GLDN: variants seen among roughly 807,000 people sequenced by gnomAD.
GLDN encodes collomin.
In GLDN, 47 loss-of-function variants were observed where a neutral mutation model predicts 56.5. That is an observed-to-expected ratio of 0.83 (90% CI 0.66 to 1.06). The LOEUF is 1.06. Among genes scored for constraint, GLDN ranks in the 50% least tolerant of loss-of-function variants. The pLI is 0.00. For missense variants in GLDN, 782 were observed against 714.3 expected (o/e 1.09, Z -1.08); for synonymous variants, 332 against 278.8 (o/e 1.19, Z -1.90).
At position 51,404,020 on chromosome 15, in the gene GLDN, T is replaced by C. The variant is rs189076601; in HGVS notation, c.1179-257T>C. Among the ~76,000 whole-genome samples the C allele has an allele frequency of 6.3e-5, 9 of 143,236 alleles. No individual in the cohort carries two copies. The East Asian group carries it at 1.7e-3, about 28-fold the overall frequency. 94.0% of individuals were successfully genotyped at this position (143,236 alleles called of 152,430 possible). On this transcript the variant is annotated intron_variant, in intron 9 of 9. Coordinates refer to ENST00000335449, the MANE Select transcript of GLDN (RefSeq NM_181789.4). ...CTCAGATGCAAATTCATTCTGACTT[T>C]GGTGATTATTCTGACACCACACCAC...
At chr15:51,385,459 T>C (rs2037870308) in intron 4 of GLDN, 1 of 152,124 alleles carries the variant, frequency 6.6e-6, no homozygotes, top group African/African-American at 2.4e-5. Context: ...CCATTCTAGA[T>C]GCTGGAGATT....
chr15:51,354,160 C>T (rs1215744743), intron 1 of GLDN, among the ~76,000 whole-genome samples: 3 of 152,178 alleles, frequency 2.0e-5, no homozygotes, highest in African/African-American at 7.2e-5. Context: ...TCATCTGCCA[C>T]CCAGAAAAAG....
At chr15:51,385,398 A>C (rs530590838) in intron 4 of GLDN, 3 of 152,350 alleles carry the variant, frequency 2.0e-5, no homozygotes, top group African/African-American at 7.2e-5. Flanking sequence ...CAGGGAGTGC[A>C]GAAAAGAAAA....
chr15:51,378,699 C>A (rs534212477), intron 2 of GLDN, among the ~76,000 whole-genome samples: 2 of 152,222 alleles, frequency 1.3e-5, no homozygotes, highest in African/African-American at 4.8e-5. Flanking sequence ...ACAGCACCTT[C>A]TCCTTTCATG....
At chr15:51,387,766 T>C (rs2037930857) in intron 4 of GLDN, among the ~76,000 whole-genome samples, 1 of 152,134 alleles carries the variant, frequency 6.6e-6, no homozygotes, top group African/African-American at 2.4e-5. Flanking sequence ...CTGTGTTCTA[T>C]TGAGTTAGGG....
chr15:51,387,625 G>T (rs533951474), intron 4 of GLDN, among the ~76,000 whole-genome samples: 1 of 152,196 alleles, frequency 6.6e-6, no homozygotes, highest in South Asian at 2.1e-4. Context: ...TGTAGAGAAG[G>T]AAGGGCTGTC....
At chr15:51,354,802 G>T (rs1341120354) in intron 1 of GLDN, among the ~76,000 whole-genome samples, 3 of 152,194 alleles carry the variant, frequency 2.0e-5, no homozygotes, top group African/African-American at 7.2e-5. Context: ...CTTTGCCAGG[G>T]AAGAGTCATA....
At chr15:51,395,700 A>C (rs2141123080) in intron 5 of GLDN, among the ~76,000 whole-genome samples, 1 of 152,220 alleles carries the variant, frequency 6.6e-6, no homozygotes, top group South Asian at 2.1e-4. Context: ...TTCGCTTAAC[A>C]CCTGTACTAG....
At chr15:51,377,064 A>G (rs2037647871) in intron 1 of GLDN, among the ~76,000 whole-genome samples, 1 of 152,238 alleles carries the variant, frequency 6.6e-6, no homozygotes, top group East Asian at 1.9e-4. Flanking sequence ...TAAATGCACA[A>G]AGCAGTAATA....
In GLDN at chr15:51,393,610, C is replaced by G. The variant is rs139738203; in HGVS notation, c.542-1225C>G. Among the ~76,000 whole-genome samples the G allele has an allele frequency of 3.8e-3, 585 of 152,318 alleles. 1 individual carries two copies. The highest frequency in any genetic ancestry group is 5.1e-3 in the Non-Finnish European group (346 of 68,024). ...GCAGGGCTGTTTCACGCAGCTGTCT[C>G]CTCTCTGCTCTTCTATCTTGCAAAT... On this transcript the variant is annotated intron_variant, in intron 4 of 9. Transcript: ENST00000335449.
At position 51,361,743 on chromosome 15, in the gene GLDN, G is replaced by A. The variant is rs116777722; in HGVS notation, c.364-15706G>A. On this transcript the variant is annotated intron_variant, in intron 1 of 9. Coordinates refer to ENST00000335449, the MANE Select transcript of GLDN (RefSeq NM_181789.4). ...AAAGCAAATAAGTAATTTATCTATA[G>A]TGGTAGAAGGTTGATAAGTGCTATG... is the stretch of plus-strand genomic sequence containing the variant. Among the ~76,000 whole-genome samples, 1,322 of 152,292 alleles carry A rather than the reference G, an allele frequency of 8.7e-3. 19 individuals are homozygous for A. The highest frequency in any genetic ancestry group is 0.03 in the African/African-American group (1,248 of 41,550).
chr15:51,381,177 C>T (rs565467838), intron 2 of GLDN, among the ~76,000 whole-genome samples: 11 of 152,344 alleles, frequency 7.2e-5, no homozygotes, highest in African/African-American at 2.4e-4. Flanking sequence ...CCTGAATATA[C>T]AGCTTCAGCC....
intron 2 of GLDN, 145 bp downstream of exon 2, chr15:51,377,645 C>A: frequency 1.7e-6 from 1 of 574,740 alleles, no homozygotes; most frequent in Non-Finnish European, 3.0e-6. Flanking sequence ...AGCTGAAAAC[C>A]CATTGTAATA....
chr15:51,343,248 G>C (rs566493708), intron 1 of GLDN, among the ~76,000 whole-genome samples: 1 of 152,232 alleles, frequency 6.6e-6, no homozygotes, highest in African/African-American at 2.4e-5. Flanking sequence ...TACATCTTTT[G>C]AGAGAGATCA....
intron 1 of GLDN, among the ~76,000 whole-genome samples, chr15:51,373,893 C>G (rs999771932): frequency 6.6e-6 from 1 of 152,166 alleles, no homozygotes; most frequent in African/African-American, 2.4e-5. Flanking sequence ...TTAATTTGAC[C>G]ATCTAGATTT....
chr15:51,383,390 C>T (rs746081516), intron 2 of GLDN, 46 bp from the exon 3 acceptor site: 45 of 1,610,114 alleles, frequency 2.8e-5, no homozygotes, highest in Non-Finnish European at 1.1e-5. Context: ...TCTTTGTTTT[C>T]TGGGTTCGGT....
At position 51,341,733 on chromosome 15, in the gene GLDN, C is replaced by A. The variant is rs1373541903; in HGVS notation, c.49C>A (p.Arg17Ser). 2 of 1,458,242 alleles carry A rather than the reference C, an allele frequency of 1.4e-6. No individual in the cohort carries two copies. Among genetic ancestry groups the A allele is most frequent in the Non-Finnish European group, 1.8e-6 (2 of 1,117,962 alleles). The allele number at this position is 1,458,242 out of a possible 1,614,324, so 90.3% of individuals were successfully genotyped here. A position where few individuals can be genotyped will look rare whatever the true frequency, so the allele number is the denominator to read the frequency against. The stretch of plus-strand genomic sequence containing the variant: ...CCGTGGGGACGCGGGTTGGGGCCTG[C>A]GTGGCGCCCTGGCGGCCGTGGCGCT... ...GGRGDAGWGL[R>S]GALAAVALLS... Residue 17 changes from arginine to serine, a missense_variant, in exon 1 of 10, where the codon CGT becomes AGT. Transcript: ENST00000335449.
At chr15:51,391,668 C>T (rs17648104) in intron 4 of GLDN, among the ~76,000 whole-genome samples, 37,149 of 152,122 alleles carry the variant, frequency 0.24, 5,022 homozygotes, top group Non-Finnish European at 0.29. Context: ...ACTGAGGGCC[C>T]GGAGGAGTCA....
chr15:51,386,784 G>C (rs1202769889), intron 4 of GLDN, among the ~76,000 whole-genome samples: 1 of 152,140 alleles, frequency 6.6e-6, no homozygotes, highest in Non-Finnish European at 1.5e-5. Flanking sequence ...CAGGGAGTTG[G>C]GGGTCAGGTA....
Sources: allele counts gnomAD v4.1 joint callset (sites outside exome capture counted in the v4.1 genomes callset), GRCh38; gene constraint gnomAD v4.1.1; transcripts MANE v1.5; gene names NCBI Gene and HGNC (gene_info 2026-07-23, HGNC 2026-07-21).